DCAF15: variants seen among roughly 807,000 people sequenced by gnomAD.
DCAF15 encodes the protein DDB1- and CUL4-associated factor 15.
DCAF15 carries 24 observed loss-of-function variants against 68.0 expected under a neutral mutation model. That is an observed-to-expected ratio of 0.35 (90% CI 0.26 to 0.50). The LOEUF is 0.50. Ranked by LOEUF, DCAF15 falls within the 20% of genes least tolerant of loss-of-function variation. DCAF15 has a pLI of 0.98. For missense variants in DCAF15, 627 were observed against 830.6 expected (o/e 0.75, Z 3.01); for synonymous variants, 376 against 341.6 (o/e 1.10, Z -1.11).
Position 13,961,046 on chromosome 19 carries a change from C to T in DCAF15, c.*51C>T, listed in dbSNP as rs375496993. The T allele has an allele frequency of 2.1e-5, 34 of 1,607,682 alleles. No homozygotes were observed. Among genetic ancestry groups the T allele is most frequent in the South Asian group, 1.8e-4 (16 of 90,916 alleles). On this transcript the variant is annotated 3_prime_UTR_variant, in exon 13 of 13. Coordinates refer to ENST00000254337, the MANE Select transcript of DCAF15 (RefSeq NM_138353.4). ...TCCAACTACCTCCGTGGCCTGGGAC[C>T]GGCCCCCTTCCTGGGGTGGCCTCTT...
At chr19:13,953,977 C>T (rs1468867342) in intron 1 of DCAF15, among the ~76,000 whole-genome samples, 1 of 152,114 alleles carries the variant, frequency 6.6e-6, no homozygotes, top group Non-Finnish European at 1.5e-5. Context: ...TAAATACCCA[C>T]AGCTTAGGGA....
At chr19:13,955,582 A>C (rs901623656) in intron 3 of DCAF15, among the ~76,000 whole-genome samples, 8 of 151,780 alleles carry the variant, frequency 5.3e-5, no homozygotes, top group African/African-American at 1.9e-4. Flanking sequence ...GACTCCTGGA[A>C]CCCCCCCAGG....
Position 13,961,095 on chromosome 19 carries a change from G to A in DCAF15, c.*100G>A. ...TTCCTGGCCGGCTGGCCCACCGACT[G>A]ATGACCGGCACTAGTGTTAGCCTGC... is the stretch of plus-strand genomic sequence containing the variant. On this transcript the variant is annotated 3_prime_UTR_variant, in exon 13 of 13. Transcript: ENST00000254337. 3 of 1,414,222 alleles carry A rather than the reference G, an allele frequency of 2.1e-6. No individual in the cohort carries two copies. Among genetic ancestry groups the A allele is most frequent in the Non-Finnish European group, 3.0e-6 (3 of 1,016,708 alleles). 87.6% of individuals were successfully genotyped at this position (1,414,222 alleles called of 1,614,324 possible). A position where few individuals can be genotyped will look rare whatever the true frequency, so the allele number is the denominator to read the frequency against.
At position 13,960,459 on chromosome 19, in the gene DCAF15, C is replaced by T. The variant is rs1179952832; in HGVS notation, c.1632-6C>T. ...GACGAGAGCCACTCACCCCCTGGCC[C>T]CGCAGCGGCAGTGTCTGGAGCTCCT... On this transcript the variant is annotated splice_polypyrimidine_tract_variant and splice_region_variant and intron_variant, in intron 11 of 12. Coordinates refer to ENST00000254337, the MANE Select transcript of DCAF15 (RefSeq NM_138353.4). 13 of 1,611,646 alleles carry T rather than the reference C, an allele frequency of 8.1e-6. No individual in the cohort carries two copies. Among genetic ancestry groups the T allele is most frequent in the Non-Finnish European group, 1.0e-5 (12 of 1,179,038 alleles).
chr19:13,959,111 C>T lies in DCAF15; in HGVS notation c.851C>T (p.Pro284Leu), dbSNP rs1973482049. 3.7e-6 allele frequency: 6 copies of T among 1,612,564 alleles called. No homozygotes were observed. The highest frequency in any genetic ancestry group is 1.7e-5 in the Admixed American group (1 of 59,972). Residue 284 changes from proline to leucine, a missense_variant, in exon 7 of 13, where the codon CCT (proline) becomes CTT (leucine). Physicochemically the swap from Pro to Leu is moderately conservative, Grantham distance 98. Transcript: ENST00000254337. ...TGCCCCCTGGCGCCTGCCAGCCCCC[C>T]TGAGCCCCAGAGCCCAGAGCTGCCC... ...STCPLAPASP[P>L]EPQSPELPPA...
intron 6 of DCAF15, among the ~76,000 whole-genome samples, chr19:13,957,073 TA>T (rs1160835754): frequency 6.6e-6 from 1 of 152,164 alleles, no homozygotes; most frequent in African/African-American, 2.4e-5. Flanking sequence ...GATTTAATTG[TA>T]GTTGTTTTAA....
chr19:13,954,233 G>A, intron 1 of DCAF15, 107 bp from the exon 2 acceptor site: 1 of 903,036 alleles, frequency 1.1e-6, no homozygotes, highest in Non-Finnish European at 1.7e-6. Context: ...ATTATGGTGG[G>A]CTGGGCCGGT....
At chr19:13,954,116 G>A (rs1384454315) in intron 1 of DCAF15, among the ~76,000 whole-genome samples, 1 of 152,188 alleles carries the variant, frequency 6.6e-6, no homozygotes, top group Non-Finnish European at 1.5e-5. Context: ...TGGGAAGGTG[G>A]CCTGGGTCCC....
chr19:13,955,966 A>G lies in DCAF15; in HGVS notation c.421A>G (p.Thr141Ala). The G allele has an allele frequency of 6.2e-7, 1 of 1,613,754 alleles. No individual in the cohort carries two copies. The highest frequency in any genetic ancestry group is 8.5e-7 in the Non-Finnish European group (1 of 1,179,974). The change falls in exon 4 of 13, where the codon ACC (threonine) becomes GCC (alanine). Residue 141 changes from threonine to alanine, a missense_variant. This residue lies in a region of DCAF15 where 273 missense variants were observed against 393.7 expected (regional missense o/e 0.69). Coordinates refer to ENST00000254337, the MANE Select transcript of DCAF15 (RefSeq NM_138353.4). ...DEEIYSDLYL[T>A]VCEWPSDASK... Reference sequence around the variant, plus strand: ...GGAGATCTACAGCGACCTGTACCTGACCGTATGCGAGTGGCCCAGCGACGC... The same window carrying G: ...GGAGATCTACAGCGACCTGTACCTGGCCGTATGCGAGTGGCCCAGCGACGC...
Position 13,960,593 on chromosome 19 carries a change from GAC to G in DCAF15, c.1747+14_1747+15del. ...GCGCTGCACAAAGGTGGGGCTCGGT[GAC>G]CCCGTGATGGTCAGGGTCACCAGGA... On this transcript the variant is annotated intron_variant, in intron 12 of 12. Coordinates refer to ENST00000254337, the MANE Select transcript of DCAF15 (RefSeq NM_138353.4). The G allele has an allele frequency of 6.4e-7, 1 of 1,565,464 alleles. No individual in the cohort carries two copies.
intron 1 of DCAF15, chr19:13,953,269 T>A: frequency 1.1e-6 from 1 of 873,776 alleles, no homozygotes; most frequent in Non-Finnish European, 1.7e-6. Context: ...CCCCCATCAG[T>A]TTGGGAGCTC....
chr19:13,953,943 T>C (rs1973216101), intron 1 of DCAF15, among the ~76,000 whole-genome samples: 1 of 152,100 alleles, frequency 6.6e-6, no homozygotes, highest in Non-Finnish European at 1.5e-5. Flanking sequence ...AGGTCAGGAC[T>C]CTGTCCCAGC....
Position 13,956,242 on chromosome 19 carries a change from A to C in DCAF15, c.593A>C (p.Asp198Ala). 1.2e-6 allele frequency: 2 copies of C among 1,612,054 alleles called. No individual in the cohort carries two copies. The highest frequency in any genetic ancestry group is 1.7e-6 in the Non-Finnish European group (2 of 1,179,768). Residue 198 changes from aspartate (D) to alanine (A), a missense_variant, in exon 5 of 13, where the codon GAT becomes GCT. By Grantham distance (126) the Asp-to-Ala change is moderately radical. This residue lies in a region of DCAF15 where 273 missense variants were observed against 393.7 expected (regional missense o/e 0.69). Transcript: ENST00000254337. The stretch of plus-strand genomic sequence containing the variant: ...CCAGGCCGCTGTGCTGCTTGCCAGG[A>C]TGCCAGCCGAGCCCACCCAGGTGAG... ...PPPGRCAACQ[D>A]ASRAHPGDPN... is the part of the protein sequence containing the mutation.
chr19:13,955,786 G>A (rs1973331879), intron 3 of DCAF15, 126 bp from the exon 4 acceptor site: 2 of 823,190 alleles, frequency 2.4e-6, no homozygotes, highest in South Asian at 1.7e-5. Flanking sequence ...GTGGAGGGGT[G>A]TGGCGGGTGC....
chr19:13,955,857 CG>C, intron 3 of DCAF15, 54 bp from the exon 4 acceptor site: 1 of 1,583,218 alleles, frequency 6.3e-7, no homozygotes. Flanking sequence ...CGTACAGCTT[CG>C]GGGGACCTCC....
intron 4 of DCAF15, 45 bp downstream of exon 4, chr19:13,956,063 G>A (rs1296174927): frequency 1.9e-6 from 3 of 1,612,020 alleles, no homozygotes; most frequent in South Asian, 1.1e-5. Flanking sequence ...TGGGGCAGGG[G>A]GTGTGCAGTG....
At chr19:13,960,718 G>T (rs1038982336) in intron 12 of DCAF15, 138 bp downstream of exon 12, 7 of 1,031,714 alleles carry the variant, frequency 6.8e-6, no homozygotes, top group African/African-American at 3.2e-5. Flanking sequence ...CAGCTCAGCA[G>T]CCCTGAAAGT....
At chr19:13,953,103 C>T in intron 1 of DCAF15, 1 of 1,550,660 alleles carries the variant, frequency 6.4e-7, no homozygotes, top group Non-Finnish European at 8.7e-7. Flanking sequence ...CACACATGAG[C>T]TGGGAGTTCC....
intron 1 of DCAF15, chr19:13,953,339 C>T (rs1973176946): frequency 5.5e-6 from 3 of 541,932 alleles, no homozygotes; most frequent in Admixed American, 3.6e-5. Context: ...GGCTGTGTCT[C>T]TGTGGACAGG....
Sources: allele counts gnomAD v4.1 joint callset (sites outside exome capture counted in the v4.1 genomes callset), GRCh38; gene constraint gnomAD v4.1.1; regional missense constraint gnomAD v4.1.1; transcripts MANE v1.5; gene names NCBI Gene and HGNC (gene_info 2026-07-23, HGNC 2026-07-21).